ITGA7: variants seen among roughly 807,000 people sequenced by gnomAD.
ITGA7 encodes integrin subunit alpha 7.
ITGA7 carries 84 observed loss-of-function variants against 131.6 expected under a neutral mutation model. The ratio of observed to expected loss-of-function variants is 0.64; its 90% CI spans 0.54 to 0.77. The LOEUF is 0.77. Ranked by LOEUF, ITGA7 falls within the 30% of genes least tolerant of loss-of-function variation. The pLI is 0.00. For missense variants in ITGA7, 1,399 were observed against 1,482.9 expected, an observed-to-expected ratio of 0.94 and a Z score of 0.93; for synonymous variants, 548 against 600.7, an observed-to-expected ratio of 0.91 and a Z score of 1.28.
At chr12:55,686,634 G>C (rs1870210257) in intron 24 of ITGA7, among the ~76,000 whole-genome samples, 1 of 152,190 alleles carries the variant, frequency 6.6e-6, no homozygotes, top group African/African-American at 2.4e-5. Flanking sequence ...CATAGCCCCC[G>C]ATGTGGCAGA....
Position 55,701,116 on chromosome 12 carries a change from G to T in ITGA7, c.453C>A (p.Asp151Glu). The change falls in exon 4 of 25, where the codon GAC becomes GAA. Residue 151 changes from aspartate to glutamate, a missense_variant. Physicochemically the swap from Asp to Glu is conservative, Grantham distance 45. Transcript: ENST00000257879. The part of the protein sequence containing the change: ...AHRYEARQRV[D>E]QILETRDMIG... ...TCATATCCCGCGTCTCCAGGATCTG[G>T]TCCACTCGCTGCCTTGCCTCATATC... 6.2e-7 allele frequency: 1 copy of T among 1,614,226 alleles called. No individual in the cohort carries two copies. Among genetic ancestry groups the T allele is most frequent in the Non-Finnish European group, 8.5e-7 (1 of 1,180,040 alleles).
chr12:55,693,142 AG>A lies in ITGA7; in HGVS notation c.2710del (p.Leu904TrpfsTer88). On this transcript the variant is annotated frameshift_variant and splice_region_variant, in exon 20 of 25. Transcript: ENST00000257879. LOFTEE classifies it high-confidence loss of function. ...CCCCCACCCCCACCTAAGCCTCACC[AG>A]GTGGAGGATGTTGGGCCTGGGAGAG... ...LCSPRPNILH[L>X]DVDSRDRRRR... is the part of the protein sequence containing the mutation. The A allele has an allele frequency of 6.2e-7, 1 of 1,613,512 alleles. No homozygotes were observed. The highest frequency in any genetic ancestry group is 8.5e-7 in the Non-Finnish European group (1 of 1,179,748).
intron 13 of ITGA7, 44 bp from the exon 14 acceptor site, chr12:55,695,681 C>T (rs1872492213): frequency 7.3e-7 from 1 of 1,378,998 alleles, no homozygotes; most frequent in East Asian, 2.3e-5. Flanking sequence ...GGGGGCAAGG[C>T]AGGGGGCAAA....
chr12:55,706,106 GACCAAGCTATTAAA>G (rs1875128835), intron 1 of ITGA7, among the ~76,000 whole-genome samples: 1 of 152,202 alleles, frequency 6.6e-6, no homozygotes, highest in South Asian at 2.1e-4. Context: ...AATGACAAGA[GACCAAGCTATTAAA>G]AATAACCTAG....
In ITGA7 at chr12:55,698,847, G is replaced by A. The variant is rs773176669; in HGVS notation, c.861C>T (p.Arg287=). The part of the protein sequence containing the change: ...EELSFVAGAP[R]ANHKGAVVIL... ...TGACCACAGCACCCTTGTGGTTGGC[G>A]CGGGGGGCTCCAGCCACAAAGCTCA... The change falls in exon 6 of 25, where the codon CGC becomes CGT. Residue 287 remains arginine, a synonymous_variant. Transcript: ENST00000257879. 20 of 1,613,336 alleles carry A rather than the reference G, an allele frequency of 1.2e-5. No individual in the cohort carries two copies. Among genetic ancestry groups the A allele is most frequent in the Admixed American group, 1.2e-4 (7 of 59,984 alleles).
chr12:55,694,983 AC>A lies in ITGA7; in HGVS notation c.2004-14del. On this transcript the variant is annotated splice_polypyrimidine_tract_variant and intron_variant, in intron 14 of 24. Coordinates refer to ENST00000257879, the MANE Select transcript of ITGA7 (RefSeq NM_002206.3). The surrounding 1 kb of genome is among the most constrained non-coding windows in gnomAD (Gnocchi z 5.3). ...TCCATCCACATCCCTGGAGAGTCAG[AC>A]CCCACTCCTGCTAAGTTCTGAACAC... 2 of 1,611,606 alleles carry A rather than the reference AC, an allele frequency of 1.2e-6. No individual in the cohort carries two copies. The highest frequency in any genetic ancestry group is 1.7e-6 in the Non-Finnish European group (2 of 1,179,694).
At chr12:55,685,417 A>G in intron 24 of ITGA7, 129 bp from the exon 25 acceptor site, 1 of 853,956 alleles carries the variant, frequency 1.2e-6, no homozygotes. Flanking sequence ...GCTGAATAGC[A>G]TCTGGTGTGG....
chr12:55,697,136 G>A (rs1200341838), intron 11 of ITGA7, 68 bp from the exon 12 acceptor site: 1 of 1,586,748 alleles, frequency 6.3e-7, no homozygotes, highest in East Asian at 2.3e-5. Context: ...CATTCCAAGG[G>A]TGCTCTTCTA....
Position 55,707,745 on chromosome 12 carries a change from G to C in ITGA7, c.-63C>G, listed in dbSNP as rs951268712. On this transcript the variant is annotated 5_prime_UTR_variant, in exon 1 of 25. Coordinates refer to ENST00000257879, the MANE Select transcript of ITGA7 (RefSeq NM_002206.3). Reference sequence around the variant, plus strand: ...GAAATCTCGCACGCCCCAAGCCCCAGGTCCCCCCAGGCGCGTCTCTGGTCT... The same window carrying C: ...GAAATCTCGCACGCCCCAAGCCCCACGTCCCCCCAGGCGCGTCTCTGGTCT... 20 of 1,549,538 alleles carry C rather than the reference G, an allele frequency of 1.3e-5. No individual in the cohort carries two copies. Among genetic ancestry groups the C allele is most frequent in the Non-Finnish European group, 1.7e-5 (19 of 1,146,594 alleles).
intron 4 of ITGA7, 141 bp downstream of exon 4, chr12:55,700,758 T>C: frequency 9.2e-7 from 1 of 1,085,394 alleles, no homozygotes; most frequent in Non-Finnish European, 1.4e-6. Flanking sequence ...ACTAGCTCAA[T>C]GGGGTGGAAG....
chr12:55,692,185 G>A (rs893021015), intron 21 of ITGA7, among the ~76,000 whole-genome samples: 1 of 152,266 alleles, frequency 6.6e-6, no homozygotes, highest in African/African-American at 2.4e-5. Flanking sequence ...GGCCGAGGCA[G>A]ACAGATCGCT....
At chr12:55,700,417 C>A (rs1873722592) in intron 4 of ITGA7, 1 of 1,591,966 alleles carries the variant, frequency 6.3e-7, no homozygotes. Flanking sequence ...CCTGTTAGTG[C>A]CCAGGGCAGG....
chr12:55,702,707 G>C, intron 3 of ITGA7, 165 bp downstream of exon 3: 1 of 685,880 alleles, frequency 1.5e-6, no homozygotes. Context: ...CATTTATAAG[G>C]ACAAGGACCA....
At position 55,688,893 on chromosome 12, in the gene ITGA7, G is replaced by C. The variant is rs201354330; in HGVS notation, c.2909C>G (p.Ala970Gly). The C allele has an allele frequency of 1.5e-5, 25 of 1,613,984 alleles. No homozygotes were observed. The highest frequency in any genetic ancestry group is 2.1e-5 in the Non-Finnish European group (25 of 1,179,958). The change falls in exon 22 of 25, where the codon GCG becomes GGG. Residue 970 changes from alanine (A) to glycine (G), a missense_variant. By Grantham distance (60) the Ala-to-Gly change is moderately conservative. Transcript: ENST00000257879. ...FSCPLYSFDR[A>G]AVLHVWGRLW... ...ACGGCCCCAGACATGCAGCACAGCC[G>C]CGCGGTCAAAGCTGTAGAGTGGGCA...
At chr12:55,716,131 T>A, upstream of ITGA7, 1 of 1,611,018 alleles carries the variant, frequency 6.2e-7, no homozygotes. Context: ...CAGCCCGACG[T>A]GACCATGCTG....
Position 55,698,516 on chromosome 12 carries a change from AC to A in ITGA7, c.1058del (p.Gly353ValfsTer7), listed in dbSNP as rs1361836055. On this transcript the variant is annotated frameshift_variant, in exon 7 of 25. Coordinates refer to ENST00000257879, the MANE Select transcript of ITGA7 (RefSeq NM_002206.3). LOFTEE classifies it high-confidence loss of function. ...CCTGGTTCAAGTACACATACACAGC[AC>A]CCCCCAGCTCTTCTTGGCGCTCAAA... is the stretch of plus-strand genomic sequence containing the variant. Reference protein sequence around the residue: ...YFFERQEELGGAVYVYLNQGG... With the variant: ...YFFERQEELGXAVYVYLNQGG... 1 of 1,613,462 alleles carries A rather than the reference AC, an allele frequency of 6.2e-7. No homozygotes were observed. Among genetic ancestry groups the A allele is most frequent in the African/African-American group, 1.3e-5 (1 of 74,682 alleles).
At chr12:55,696,507 T>C (rs529987736) in intron 12 of ITGA7, 75 bp from the exon 13 acceptor site, 193 of 1,472,416 alleles carry the variant, frequency 1.3e-4, no homozygotes, top group Non-Finnish European at 1.6e-4. Flanking sequence ...CAGCCAGACC[T>C]AGGACCAATT....
upstream of ITGA7, among the ~76,000 whole-genome samples, chr12:55,712,799 G>A (rs1876230603): frequency 6.6e-6 from 1 of 152,160 alleles, no homozygotes; most frequent in African/African-American, 2.4e-5. Flanking sequence ...GATCAGATGG[G>A]GACACTAGAT....
chr12:55,712,028 C>A (rs995557388), upstream of ITGA7: 1 of 1,510,872 alleles, frequency 6.6e-7, no homozygotes, highest in Non-Finnish European at 9.0e-7. Flanking sequence ...TCCGTCCCAA[C>A]ATGCACACCA....
Sources: gnomAD v4.1 joint callset for allele counts (sites outside exome capture counted in the v4.1 genomes callset) on GRCh38, gnomAD v4.1.1 for gene constraint, Gnocchi (gnomAD v3.1) non-coding constraint, MANE v1.5 for transcripts, NCBI Gene and HGNC (gene_info 2026-07-23, HGNC 2026-07-21) for gene names.